The following TMEM266 variants were observed in gnomAD, a reference collection of about 807,000 sequenced individuals.
The protein encoded by TMEM266 is Hv1 related protein 1.
A neutral mutation model predicts 50.5 loss-of-function variants in TMEM266; 33 were observed. That is an observed-to-expected ratio of 0.65 (90% confidence interval 0.50 to 0.87). The LOEUF (loss-of-function observed/expected upper bound fraction) is 0.87, where lower values mean the gene tolerates loss of function less well. TMEM266 is among the 40% of genes least tolerant of loss of function. The probability of loss-of-function intolerance (pLI) is 0.00; values close to 1 mark genes in which losing one functional copy is unlikely to be tolerated. For missense variants in TMEM266, 655 were observed against 695.1 expected (o/e 0.94, Z 0.65); for synonymous variants, 310 against 292.3 (o/e 1.06, Z -0.62).
chr15:76,065,861 C>T (rs1241547804), intron 1 of TMEM266, among the ~76,000 whole-genome samples: 1 of 152,120 alleles, frequency 6.6e-6, no homozygotes, highest in East Asian at 1.9e-4. Context: ...CCCCAGTGTG[C>T]GTCCACTTCT....
chr15:76,134,393 G>A, intron 2 of TMEM266, 92 bp downstream of exon 2: 1 of 1,377,996 alleles, frequency 7.3e-7, no homozygotes, highest in African/African-American at 1.4e-5. Flanking sequence ...CAGCCACTAT[G>A]TACATTTCCT....
chr15:76,089,150 G>A (rs1178471243), intron 1 of TMEM266, among the ~76,000 whole-genome samples: 2 of 146,612 alleles, frequency 1.4e-5, no homozygotes, highest in African/African-American at 5.1e-5. Flanking sequence ...TCAAGAGGAA[G>A]TATTACAGGT....
At chr15:76,079,880 C>T (rs923908610) in intron 1 of TMEM266, among the ~76,000 whole-genome samples, 5 of 151,302 alleles carry the variant, frequency 3.3e-5, no homozygotes, top group Non-Finnish European at 7.4e-5. Flanking sequence ...CACTATAGGT[C>T]GTAAGTTTGG....
At chr15:76,148,127 G>A (rs914423529) in intron 3 of TMEM266, among the ~76,000 whole-genome samples, 12 of 152,234 alleles carry the variant, frequency 7.9e-5, no homozygotes, top group Non-Finnish European at 1.6e-4. Context: ...CACCTGGGTC[G>A]GGGGTGTGTC....
chr15:76,173,636 AC>A (rs1466295068), intron 7 of TMEM266, among the ~76,000 whole-genome samples: 2 of 152,182 alleles, frequency 1.3e-5, no homozygotes, highest in Non-Finnish European at 2.9e-5. Flanking sequence ...TATTTCATTC[AC>A]GTGAAAGTCT....
rs2037612975 is a variant in TMEM266 at position 76,137,698 on chromosome 15, C to T, written c.39-9C>T. On this transcript the variant is annotated splice_polypyrimidine_tract_variant and intron_variant, in intron 2 of 10. Transcript: ENST00000388942. Reference sequence around the variant, plus strand: ...AACTCTTTCCCATTGTTCCTCCTCTCCAACCCAGGCCTGCCATAGAAGGAG... The same window carrying T: ...AACTCTTTCCCATTGTTCCTCCTCTTCAACCCAGGCCTGCCATAGAAGGAG... 6.2e-7 allele frequency: 1 copy of T among 1,613,786 alleles called. No homozygotes were observed.
At chr15:76,177,622 G>A (rs2038308932) in intron 8 of TMEM266, among the ~76,000 whole-genome samples, 1 of 152,256 alleles carries the variant, frequency 6.6e-6, no homozygotes, top group African/African-American at 2.4e-5. Flanking sequence ...GGCCCTCAGG[G>A]GCACGTTGTC....
At chr15:76,134,420 GAAAAT>G in intron 2 of TMEM266, 119 bp downstream of exon 2, 1 of 980,970 alleles carries the variant, frequency 1.0e-6, no homozygotes. Context: ...GGAGGCCACA[GAAAAT>G]GGAGAAACCT....
At chr15:76,194,722 T>C (rs1204321069) in intron 9 of TMEM266, among the ~76,000 whole-genome samples, 1 of 152,200 alleles carries the variant, frequency 6.6e-6, no homozygotes, top group Non-Finnish European at 1.5e-5. Context: ...ATCACCCTGC[T>C]CTGCCTTCAT....
intron 2 of TMEM266, among the ~76,000 whole-genome samples, chr15:76,134,833 G>A (rs1351736622): frequency 6.6e-6 from 1 of 152,202 alleles, no homozygotes; most frequent in Admixed American, 6.5e-5. Context: ...AACCTTAGTA[G>A]AATACAACAA....
intron 1 of TMEM266, among the ~76,000 whole-genome samples, chr15:76,103,898 G>A (rs1378868271): frequency 7.3e-6 from 1 of 136,560 alleles, no homozygotes; most frequent in South Asian, 2.3e-4. Context: ...GCGACGGAGC[G>A]AGACTCCATC....
intron 1 of TMEM266, among the ~76,000 whole-genome samples, chr15:76,081,388 A>G (rs2036691984): frequency 6.6e-6 from 1 of 152,214 alleles, no homozygotes; most frequent in African/African-American, 2.4e-5. Flanking sequence ...GTTCATTCAT[A>G]GGAGACCCTG....
chr15:76,153,844 G>A lies in TMEM266; in HGVS notation c.228-2760G>A, dbSNP rs2037881170. 6.6e-6 allele frequency among the ~76,000 whole-genome samples: 1 copy of A among 152,204 alleles called. No individual in the cohort carries two copies. On this transcript the variant is annotated intron_variant, in intron 3 of 10. Transcript: ENST00000388942. The surrounding 1 kb of genome is among the most constrained non-coding windows in gnomAD (Gnocchi z 4.2). ...AGCCAAAGATATCTTAAAATGCAAA[G>A]GCTCGTTAATGGATGGAAGCGCTGT... is the stretch of plus-strand genomic sequence containing the variant.
intron 1 of TMEM266, among the ~76,000 whole-genome samples, chr15:76,127,556 T>C (rs1196527130): frequency 2.0e-5 from 3 of 152,044 alleles, no homozygotes; most frequent in African/African-American, 7.2e-5. Context: ...TTACTCCTGA[T>C]ATCAAGTGAT....
intron 1 of TMEM266, among the ~76,000 whole-genome samples, chr15:76,108,268 G>T (rs1027555873): frequency 2.0e-5 from 3 of 152,222 alleles, no homozygotes; most frequent in Admixed American, 1.3e-4. Flanking sequence ...TGGCATTGGA[G>T]CCTGGTTGCT....
chr15:76,135,047 A>C (rs1264254759), intron 2 of TMEM266, among the ~76,000 whole-genome samples: 1 of 152,150 alleles, frequency 6.6e-6, no homozygotes, highest in Non-Finnish European at 1.5e-5. Context: ...CACAGGCAGA[A>C]ATTCACAGAG....
At chr15:76,117,675 T>TA (rs1259066665) in intron 1 of TMEM266, among the ~76,000 whole-genome samples, 1 of 152,176 alleles carries the variant, frequency 6.6e-6, no homozygotes, top group African/African-American at 2.4e-5. Context: ...GACTCAGGGC[T>TA]AGGCACTTCT....
chr15:76,199,196 A>C (rs1315398357), intron 9 of TMEM266, among the ~76,000 whole-genome samples: 26 of 152,244 alleles, frequency 1.7e-4, no homozygotes, highest in Admixed American at 1.7e-3. Context: ...ACCAGTCACC[A>C]AGATGGAGGC....
At chr15:76,105,676 T>C (rs2037069065) in intron 1 of TMEM266, among the ~76,000 whole-genome samples, 1 of 152,204 alleles carries the variant, frequency 6.6e-6, no homozygotes, top group Non-Finnish European at 1.5e-5. Context: ...AGGCCATGAT[T>C]TGCCAAGCGC....
Sources: allele counts gnomAD v4.1 joint callset (sites outside exome capture counted in the v4.1 genomes callset), GRCh38; gene constraint gnomAD v4.1.1; non-coding constraint Gnocchi (gnomAD v3.1); transcripts MANE v1.5; gene names NCBI Gene and HGNC (gene_info 2026-07-23, HGNC 2026-07-21).